Variants in MITF observed in about 807,000 individuals in gnomAD.
MITF encodes microphthalmia-associated transcription factor.
In MITF, 17 loss-of-function variants were observed where a neutral mutation model predicts 60.5. That is an observed-to-expected ratio of 0.28 (90% CI 0.19 to 0.42). MITF has a LOEUF of 0.42. MITF is among the 10% of genes least tolerant of loss of function. MITF has a pLI of 1.00. For missense variants in MITF, 622 were observed against 683.5 expected (o/e 0.91, Z 1.00); for synonymous variants, 260 against 248.5 (o/e 1.05, Z -0.43).
intron 1 of MITF, among the ~76,000 whole-genome samples, chr3:69,832,366 G>C (rs1349162628): frequency 6.6e-6 from 1 of 152,188 alleles, no homozygotes; most frequent in African/African-American, 2.4e-5. Flanking sequence ...TCAGGGTTAT[G>C]CAGGTTCTGG....
In MITF at chr3:69,879,167, T is replaced by A. The variant is rs2107276014; in HGVS notation, c.138T>A (p.Pro46=). 6.2e-7 allele frequency: 1 copy of A among 1,614,212 alleles called. No homozygotes were observed. The highest frequency in any genetic ancestry group is 8.5e-7 in the Non-Finnish European group (1 of 1,180,038). ...CCGAGCATCCTGGGGCCTCCAAGCC[T>A]CCGATAAGCTCCTCCAGTATGACAT... ...SSAEHPGASK[P]PISSSSMTSR... Residue 46 remains proline (P), a synonymous_variant, in exon 2 of 10, where the codon CCT becomes CCA. Coordinates refer to ENST00000352241, the MANE Select transcript of MITF (RefSeq NM_001354604.2).
Position 69,967,046 on chromosome 3 carries a change from A to G in MITF, c.*1798A>G, listed in dbSNP as rs2066705855. 4.3e-6 allele frequency: 1 copy of G among 232,034 alleles called. No individual in the cohort carries two copies. The highest frequency in any genetic ancestry group is 1.8e-4 in the South Asian group (1 of 5,518). 14.4% of individuals were successfully genotyped at this position (232,034 alleles called of 1,614,324 possible). On this transcript the variant is annotated 3_prime_UTR_variant, in exon 10 of 10. Coordinates refer to ENST00000352241, the MANE Select transcript of MITF (RefSeq NM_001354604.2). ...CTTCTTTCATCAGGAAACCTTATTC[A>G]GGAGGGTTTTTAAAAAGTGTTTAAA...
At chr3:69,800,005 G>T (rs1479916597) in intron 1 of MITF, among the ~76,000 whole-genome samples, 1 of 152,138 alleles carries the variant, frequency 6.6e-6, no homozygotes, top group Non-Finnish European at 1.5e-5. Flanking sequence ...GTACACTTCA[G>T]TAGTTTTAAA....
intron 1 of MITF, among the ~76,000 whole-genome samples, chr3:69,751,855 T>G (rs1305900301): frequency 6.6e-6 from 1 of 152,072 alleles, no homozygotes; most frequent in Non-Finnish European, 1.5e-5. Context: ...GGTGATTGGG[T>G]CATGGAGGCA....
intron 2 of MITF, among the ~76,000 whole-genome samples, chr3:69,884,056 G>A (rs1235302500): frequency 6.6e-6 from 1 of 152,108 alleles, no homozygotes; most frequent in African/African-American, 2.4e-5. Flanking sequence ...TGCAGAATCT[G>A]AATCATTCAG....
intron 1 of MITF, among the ~76,000 whole-genome samples, chr3:69,863,521 C>T (rs753429556): frequency 1.3e-5 from 2 of 152,106 alleles, no homozygotes; most frequent in Non-Finnish European, 2.9e-5. Flanking sequence ...ACATTATGTC[C>T]CCTTCGGGAA....
chr3:69,905,198 C>T (rs140152588), intron 2 of MITF, among the ~76,000 whole-genome samples: 2 of 152,132 alleles, frequency 1.3e-5, no homozygotes, highest in East Asian at 3.9e-4. Flanking sequence ...TTGTAATTTC[C>T]AGAGTTTAAA....
intron 7 of MITF, among the ~76,000 whole-genome samples, chr3:69,954,808 A>G (rs759587667): frequency 2.0e-4 from 31 of 152,322 alleles, no homozygotes; most frequent in Admixed American, 9.8e-4. Flanking sequence ...GGATTTCATC[A>G]TTGGAATAAT....
In MITF at chr3:69,767,667, C is replaced by T. The variant is rs73111970; in HGVS notation, c.104+27966C>T. Among the ~76,000 whole-genome samples, 846 of 152,110 alleles carry T rather than the reference C, an allele frequency of 5.6e-3. 4 individuals carry two copies. The highest frequency in any genetic ancestry group is 0.014 in the Middle Eastern group (4 of 294). On this transcript the variant is annotated intron_variant, in intron 1 of 9. Transcript: ENST00000352241. ...TGAGAGGAAAGCATTCCAGGTAGAC[C>T]GAGGCATGGAGGTGCAGCATAGTGT...
chr3:69,954,189 A>C (rs561284232), intron 7 of MITF, among the ~76,000 whole-genome samples: 1,775 of 152,326 alleles, frequency 0.012, 37 homozygotes, highest in African/African-American at 0.04. Context: ...TGGTGAGTGA[A>C]AAAAAGATGC....
At chr3:69,911,613 C>T (rs1177397306) in intron 2 of MITF, among the ~76,000 whole-genome samples, 4 of 152,130 alleles carry the variant, frequency 2.6e-5, no homozygotes, top group Non-Finnish European at 1.5e-5. Flanking sequence ...AACTCCTGAA[C>T]ATCAATAAGA....
At chr3:69,875,422 C>T (rs2064331218) in intron 1 of MITF, among the ~76,000 whole-genome samples, 1 of 152,182 alleles carries the variant, frequency 6.6e-6, no homozygotes, top group Non-Finnish European at 1.5e-5. Flanking sequence ...TGGCTTTAAA[C>T]TCTATGAGAT....
At chr3:69,804,992 A>G (rs1378019085) in intron 1 of MITF, among the ~76,000 whole-genome samples, 1 of 152,220 alleles carries the variant, frequency 6.6e-6, no homozygotes, top group Non-Finnish European at 1.5e-5. Flanking sequence ...TAGTTTTTAA[A>G]TAAAGCTTGT....
At position 69,889,025 on chromosome 3, in the gene MITF, GTTTTTTTTTTTT is replaced by G. The variant is rs4057977; in HGVS notation, c.354+9657_354+9668del. ...AGACAGGCTGTAGTAATAGCCTTTG[GTTTTTTTTTTTT>G]TTTTTTTTTTTTTTGCATTGTTAAA... is the stretch of plus-strand genomic sequence containing the variant. On this transcript the variant is annotated intron_variant, in intron 2 of 9. Coordinates refer to ENST00000352241, the MANE Select transcript of MITF (RefSeq NM_001354604.2). 1.2e-4 allele frequency among the ~76,000 whole-genome samples: 7 copies of G among 58,820 alleles called. No individual in the cohort carries two copies. In the East Asian group the frequency reaches 3.1e-3, roughly 26 times the overall value. 38.6% of individuals were successfully genotyped at this position (58,820 alleles called of 152,430 possible).
chr3:69,895,311 A>C (rs1202364408), intron 2 of MITF, among the ~76,000 whole-genome samples: 1 of 152,216 alleles, frequency 6.6e-6, no homozygotes, highest in Non-Finnish European at 1.5e-5. Context: ...AGGTGAGTTG[A>C]GAAAAGCCTC....
At chr3:69,948,688 C>T (rs531245193) in intron 5 of MITF, among the ~76,000 whole-genome samples, 26 of 152,172 alleles carry the variant, frequency 1.7e-4, no homozygotes, top group Non-Finnish European at 3.4e-4. Flanking sequence ...TCCTGTTTTA[C>T]AATAATAGCC....
intron 2 of MITF, among the ~76,000 whole-genome samples, chr3:69,883,430 A>G (rs930085489): frequency 6.6e-6 from 1 of 152,134 alleles, no homozygotes; most frequent in South Asian, 2.1e-4. Flanking sequence ...CTGACATTCC[A>G]TATTTCACTA....
intron 1 of MITF, among the ~76,000 whole-genome samples, chr3:69,819,889 C>T (rs1021896825): frequency 3.3e-5 from 5 of 152,124 alleles, no homozygotes; most frequent in African/African-American, 4.8e-5. Flanking sequence ...CGCTTGAACC[C>T]GGGAGGTGGA....
intron 1 of MITF, among the ~76,000 whole-genome samples, chr3:69,791,714 A>G (rs12637754): frequency 0.099 from 15,015 of 152,220 alleles, 990 homozygotes; most frequent in Non-Finnish European, 0.13. Context: ...AATGGCAAGT[A>G]GAGGCAAAAT....
Sources: allele counts gnomAD v4.1 joint callset (sites outside exome capture counted in the v4.1 genomes callset), GRCh38; gene constraint gnomAD v4.1.1; transcripts MANE v1.5; gene names NCBI Gene and HGNC (gene_info 2026-07-23, HGNC 2026-07-21).